TTC3: variants seen among roughly 807,000 people sequenced by gnomAD.
The protein encoded by TTC3 is E3 ubiquitin-protein ligase TTC3.
TTC3 carries 180 observed loss-of-function variants against 249.6 expected under a neutral mutation model. The ratio of observed to expected loss-of-function variants is 0.72; its 90% CI spans 0.64 to 0.82. The LOEUF (loss-of-function observed/expected upper bound fraction) is 0.82. TTC3 is among the 40% of genes least tolerant of loss of function. The pLI is 0.00. For synonymous variants in TTC3, 717 were observed against 805.0 expected (o/e 0.89, Z 1.85); for missense variants, 2,061 against 2,398.4 (o/e 0.86, Z 2.94).
In TTC3 at chr21:37,156,797, T is replaced by A. The variant is rs771772410; in HGVS notation, c.2883T>A (p.Ser961=). The change falls in exon 28 of 46, where the codon TCT becomes TCA. Residue 961 remains serine (S), a synonymous_variant. Transcript: ENST00000355666. ...AAGGAAAGCAACTTGATTATTTCTC[T>A]GAGCCAGCATCATTGAAGGAAGCCC... 68 of 1,614,024 alleles carry A rather than the reference T, an allele frequency of 4.2e-5. 1 individual carries two copies. The South Asian group carries it at 6.7e-4, about 16-fold the overall frequency.
chr21:37,165,912 A>T (rs1320102277), exon 33 of TTC3: 2 of 1,614,252 alleles, frequency 1.2e-6, no homozygotes, highest in Non-Finnish European at 8.5e-7. Flanking sequence ...CCAGCTTTTG[A>T]AAATGTGAAA....
chr21:37,200,222 G>A lies in TTC3; in HGVS notation c.5851-10G>A. 17 of 1,613,778 alleles carry A rather than the reference G, an allele frequency of 1.1e-5. No homozygotes were observed. Among genetic ancestry groups the A allele is most frequent in the Non-Finnish European group, 1.4e-5 (17 of 1,179,848 alleles). ...TATTCTTTACTATTCAGGTGTGTTT[G>A]TTTCCACAGGCACTGGGTGCAAGTT... On this transcript the variant is annotated splice_polypyrimidine_tract_variant and intron_variant, in intron 44 of 45. Coordinates refer to ENST00000355666, the Ensembl canonical transcript of TTC3.
At chr21:37,195,626 C>G in intron 41 of TTC3, 49 bp from the exon 42 acceptor site, 1 of 1,533,358 alleles carries the variant, frequency 6.5e-7, no homozygotes, top group South Asian at 1.3e-5. Flanking sequence ...GGCGTTTCAT[C>G]CTTCAAGGGA....
In TTC3 at chr21:37,129,075, C is replaced by A; in HGVS notation, c.1358+12C>A. ...TCAGAAAAGTTCAGGTATGTTTTTT[C>A]TCTAAGGTATGTTTTTTTCCCCTTA... On this transcript the variant is annotated intron_variant, in intron 16 of 45. Coordinates refer to ENST00000355666, the Ensembl canonical transcript of TTC3. 2 of 1,568,050 alleles carry A rather than the reference C, an allele frequency of 1.3e-6. No homozygotes were observed. Among genetic ancestry groups the A allele is most frequent in the Admixed American group, 1.9e-5 (1 of 52,058 alleles).
At position 37,188,489 on chromosome 21, in the gene TTC3, T is replaced by C; in HGVS notation, c.4924-6T>C. 6.2e-7 allele frequency: 1 copy of C among 1,611,160 alleles called. No homozygotes were observed. Among genetic ancestry groups the C allele is most frequent in the Non-Finnish European group, 8.5e-7 (1 of 1,177,754 alleles). ...AATACTCATATGTCTTCTGATCTACTGGCAGGTATCCGTACTTGAAAACTG... is the reference window on the plus strand; with the variant it reads ...AATACTCATATGTCTTCTGATCTACCGGCAGGTATCCGTACTTGAAAACTG... On this transcript the variant is annotated splice_polypyrimidine_tract_variant and splice_region_variant and intron_variant, in intron 38 of 45. Coordinates refer to ENST00000355666, the Ensembl canonical transcript of TTC3.
At chr21:37,090,440 A>G (rs1055591993) in intron 6 of TTC3, 154 bp downstream of exon 6, 2 of 586,684 alleles carry the variant, frequency 3.4e-6, no homozygotes, top group African/African-American at 4.2e-5. Flanking sequence ...GAGACTCCTC[A>G]TTTTGGGGGT....
At chr21:37,083,412 A>G (rs1206892562) in intron 1 of TTC3, 14 of 985,326 alleles carry the variant, frequency 1.4e-5, no homozygotes, top group Non-Finnish European at 1.7e-5. Context: ...GAGGATGCCA[A>G]GATTGAAGGC....
At chr21:37,145,180 C>G (rs926722653) in intron 21 of TTC3, among the ~76,000 whole-genome samples, 1 of 152,178 alleles carries the variant, frequency 6.6e-6, no homozygotes, top group Non-Finnish European at 1.5e-5. Flanking sequence ...GAAAGACTTA[C>G]GTGTGAAATG....
At position 37,132,113 on chromosome 21, in the gene TTC3, C is replaced by G. The variant is rs140253646; in HGVS notation, c.1359-569C>G. Among the ~76,000 whole-genome samples, 686 of 152,218 alleles carry G rather than the reference C, an allele frequency of 4.5e-3. 2 individuals are homozygous for G. The highest frequency in any genetic ancestry group is 0.015 in the African/African-American group (637 of 41,528). On this transcript the variant is annotated intron_variant, in intron 16 of 45. Transcript: ENST00000355666. ...TTTATAATCAATTCATCTGGTTTCCCTCCACCTCTGATTTTATAGGAATGT... is the reference window on the plus strand; with the variant it reads ...TTTATAATCAATTCATCTGGTTTCCGTCCACCTCTGATTTTATAGGAATGT...
chr21:37,151,802 A>T, intron 25 of TTC3, 91 bp from the exon 26 acceptor site: 1 of 1,383,094 alleles, frequency 7.2e-7, no homozygotes, highest in Non-Finnish European at 9.5e-7. Context: ...TAAAAAAGGA[A>T]AACTTCTAAT....
At chr21:37,124,194 A>C (rs2076871558) in intron 13 of TTC3, among the ~76,000 whole-genome samples, 1 of 124,648 alleles carries the variant, frequency 8.0e-6, no homozygotes, top group Non-Finnish European at 1.6e-5. Context: ...TGGGTCACTG[A>C]AACCTCCGCC....
At chr21:37,082,626 C>G (rs2071852355) in intron 1 of TTC3, 1 of 985,194 alleles carries the variant, frequency 1.0e-6, no homozygotes, top group South Asian at 4.7e-5. Flanking sequence ...GGTTTAATTT[C>G]TAGCTCAAGG....
At chr21:37,134,398 C>T (rs978641499) in intron 17 of TTC3, among the ~76,000 whole-genome samples, 1 of 151,504 alleles carries the variant, frequency 6.6e-6, no homozygotes. Flanking sequence ...TGCAGTGAGC[C>T]GAGATCTGCC....
At chr21:37,119,389 C>T (rs544042957) in intron 11 of TTC3, among the ~76,000 whole-genome samples, 5 of 152,170 alleles carry the variant, frequency 3.3e-5, no homozygotes, top group East Asian at 1.9e-4. Context: ...GTTTCCGTTC[C>T]GGCTCTTGTT....
In TTC3 at chr21:37,104,588, CAAAAAAAAAA is replaced by C. The variant is rs141618903; in HGVS notation, c.846-3792_846-3783del. On this transcript the variant is annotated intron_variant, in intron 10 of 45. Coordinates refer to ENST00000355666, the Ensembl canonical transcript of TTC3. Reference sequence around the variant, plus strand: ...CTCGGCGACGAGCAAAACTCCGTCTCAAAAAAAAAAAAAAAAAAAAAGAAAGAAGTGCCTT... The same window carrying C: ...CTCGGCGACGAGCAAAACTCCGTCTCAAAAAAAAAAAGAAAGAAGTGCCTT... 1.8e-3 allele frequency among the ~76,000 whole-genome samples: 190 copies of C among 104,308 alleles called. 3 individuals are homozygous for C. Among genetic ancestry groups the C allele is most frequent in the African/African-American group, 6.9e-3 (186 of 26,858 alleles). 68.4% of individuals were successfully genotyped at this position (104,308 alleles called of 152,430 possible).
chr21:37,089,526 A>G (rs533515449), intron 5 of TTC3, among the ~76,000 whole-genome samples: 3 of 152,038 alleles, frequency 2.0e-5, no homozygotes, highest in Admixed American at 1.3e-4. Flanking sequence ...TATTATTATT[A>G]TTTTTGAGAT....
intron 35 of TTC3, among the ~76,000 whole-genome samples, chr21:37,181,062 A>G (rs2082717378): frequency 6.6e-6 from 1 of 152,210 alleles, no homozygotes; most frequent in African/African-American, 2.4e-5. Context: ...TCAGGAGATC[A>G]TTCTGTCTTC....
chr21:37,124,778 A>T (rs771790876), intron 14 of TTC3, 36 bp downstream of exon 14: 3 of 1,602,184 alleles, frequency 1.9e-6, no homozygotes, highest in Non-Finnish European at 2.6e-6. Context: ...TTTTTCAAGG[A>T]TAGATAGTCT....
rs1568904654 is a variant in TTC3, at chr21:37,097,889, TTG to T, written c.845+1250_845+1251del. ...CATGTAGCTTTAAAAATAACATTTA[TTG>T]TGTTTTTCTTTTATTGTAAACAGAA... On this transcript the variant is annotated intron_variant, in intron 10 of 45. Transcript: ENST00000355666. 4 of 700,306 alleles carry T rather than the reference TTG, an allele frequency of 5.7e-6. No homozygotes were observed. In the African/African-American group the frequency reaches 7.1e-5, roughly 12 times the overall value. 43.4% of individuals were successfully genotyped at this position (700,306 alleles called of 1,614,324 possible).
Sources: gnomAD v4.1 joint callset for allele counts (sites outside exome capture counted in the v4.1 genomes callset) on GRCh38, gnomAD v4.1.1 for gene constraint, MANE v1.5 for transcripts, NCBI Gene and HGNC (gene_info 2026-07-23, HGNC 2026-07-21) for gene names.